The following PCBD2 variants were observed in gnomAD, a reference collection of about 807,000 sequenced individuals.
PCBD2 encodes the protein pterin-4-alpha-carbinolamine dehydratase 2.
Under a neutral mutation model 16.4 loss-of-function variants are expected in PCBD2, and 12 were observed. The ratio of observed to expected loss-of-function variants is 0.73; its 90% CI spans 0.47 to 1.19. PCBD2 has a LOEUF of 1.19. Among genes scored for constraint, PCBD2 ranks in the 50% most tolerant of loss-of-function variants. PCBD2 has a pLI of 0.00. For missense variants in PCBD2, 138 were observed against 156.8 expected (o/e 0.88, Z 0.64); for synonymous variants, 58 against 61.8 (o/e 0.94, Z 0.29).
At chr5:134,932,750 C>T (rs1393636331) in intron 2 of PCBD2, among the ~76,000 whole-genome samples, 2 of 152,162 alleles carry the variant, frequency 1.3e-5, no homozygotes, top group Non-Finnish European at 2.9e-5. Flanking sequence ...TCCCAAAGTG[C>T]TGTGATTACA....
At chr5:134,933,675 G>A (rs1298738750) in intron 2 of PCBD2, among the ~76,000 whole-genome samples, 2 of 152,176 alleles carry the variant, frequency 1.3e-5, no homozygotes, top group East Asian at 1.9e-4. Flanking sequence ...TAAATGCTCC[G>A]TATTAATGCT....
chr5:134,907,305 T>C (rs1750706709), intron 1 of PCBD2, among the ~76,000 whole-genome samples: 1 of 152,104 alleles, frequency 6.6e-6, no homozygotes, highest in African/African-American at 2.4e-5. Context: ...AGTGCAGTGG[T>C]GCGGTCTTGG....
chr5:134,925,862 G>A (rs541511958), intron 2 of PCBD2: 532 of 394,008 alleles, frequency 1.4e-3, no homozygotes, highest in African/African-American at 0.01. Flanking sequence ...AGGGTTATTT[G>A]TTGTGGGTCT....
intron 2 of PCBD2, among the ~76,000 whole-genome samples, chr5:134,941,890 G>C (rs1444620571): frequency 6.6e-6 from 1 of 151,842 alleles, no homozygotes; most frequent in Non-Finnish European, 1.5e-5. Flanking sequence ...AGGCCGGGGC[G>C]GGTGGATCAC....
chr5:134,949,973 A>G (rs958674989), intron 2 of PCBD2, among the ~76,000 whole-genome samples: 1 of 152,252 alleles, frequency 6.6e-6, no homozygotes, highest in Non-Finnish European at 1.5e-5. Flanking sequence ...ACTTTAATTG[A>G]TCACAAGATA....
chr5:134,955,464 T>C (rs1043594165), intron 2 of PCBD2, among the ~76,000 whole-genome samples: 1 of 151,820 alleles, frequency 6.6e-6, no homozygotes, highest in African/African-American at 2.4e-5. Flanking sequence ...CACGCCACCA[T>C]GCCCAGCCAA....
intron 2 of PCBD2, among the ~76,000 whole-genome samples, chr5:134,930,621 A>G (rs1048989330): frequency 6.6e-6 from 1 of 152,188 alleles, no homozygotes; most frequent in East Asian, 1.9e-4. Flanking sequence ...ATGGCTGCTC[A>G]TGGTGTCTCT....
rs1751484964 is a variant in PCBD2, at chr5:134,962,073, TG to T, written c.*1393del. Reference sequence around the variant, plus strand: ...ATTGCCCCCAGCCAGTATAACAGTTTGTGTGTGTGTGTGTGTGTGTGTGTGT... The same window carrying T: ...ATTGCCCCCAGCCAGTATAACAGTTTTGTGTGTGTGTGTGTGTGTGTGTGT... On this transcript the variant is annotated 3_prime_UTR_variant, in exon 4 of 4. Coordinates refer to ENST00000254908, the MANE Select transcript of PCBD2 (RefSeq NM_032151.5). 4.5e-5 allele frequency among the ~76,000 whole-genome samples: 2 copies of T among 44,540 alleles called. No individual in the cohort carries two copies. Among genetic ancestry groups the T allele is most frequent in the African/African-American group, 1.3e-4 (2 of 15,220 alleles). 29.2% of individuals were successfully genotyped at this position (44,540 alleles called of 152,430 possible). A position where few individuals can be genotyped will look rare whatever the true frequency, so the allele number is the denominator to read the frequency against.
At chr5:134,944,941 T>C (rs1751273312) in intron 2 of PCBD2, among the ~76,000 whole-genome samples, 1 of 152,220 alleles carries the variant, frequency 6.6e-6, no homozygotes, top group Non-Finnish European at 1.5e-5. Context: ...CAACAGGACA[T>C]AAATTATGAA....
chr5:134,940,698 T>C (rs550665494), intron 2 of PCBD2, among the ~76,000 whole-genome samples: 5 of 152,328 alleles, frequency 3.3e-5, no homozygotes, highest in Admixed American at 2.6e-4. Flanking sequence ...TGAATGAAGC[T>C]CTTTTTTCCT....
intron 1 of PCBD2, 77 bp downstream of exon 1, chr5:134,905,300 A>T: frequency 8.6e-7 from 1 of 1,169,488 alleles, no homozygotes; most frequent in Non-Finnish European, 1.1e-6. Context: ...CGGCTGAGGG[A>T]CCAGCGGGAC....
intron 2 of PCBD2, among the ~76,000 whole-genome samples, chr5:134,920,467 C>T (rs1402785469): frequency 6.6e-6 from 1 of 152,246 alleles, no homozygotes; most frequent in Non-Finnish European, 1.5e-5. Flanking sequence ...TTTTACCATA[C>T]TTCCCAGAGG....
At chr5:134,917,259 G>A (rs1750844388) in intron 2 of PCBD2, among the ~76,000 whole-genome samples, 1 of 152,218 alleles carries the variant, frequency 6.6e-6, no homozygotes, top group Admixed American at 6.5e-5. Context: ...CCAGCAGGTG[G>A]AGCCCTCCAG....
At chr5:134,932,668 G>T (rs1751112367) in intron 2 of PCBD2, among the ~76,000 whole-genome samples, 1 of 151,654 alleles carries the variant, frequency 6.6e-6, no homozygotes, top group Non-Finnish European at 1.5e-5. Context: ...TTTTTTTGTG[G>T]AGATGGGATC....
chr5:134,955,964 T>C (rs770162592), intron 2 of PCBD2, among the ~76,000 whole-genome samples: 41 of 151,778 alleles, frequency 2.7e-4, no homozygotes, highest in Non-Finnish European at 2.2e-4. Context: ...AGTTTTGCCT[T>C]TTTTCTCTCT....
At chr5:134,959,725 C>T (rs534686876) in intron 3 of PCBD2, among the ~76,000 whole-genome samples, 6 of 152,086 alleles carry the variant, frequency 3.9e-5, no homozygotes, top group South Asian at 2.1e-4. Flanking sequence ...ACAATACTCA[C>T]GTGACTTAAT....
intron 2 of PCBD2, among the ~76,000 whole-genome samples, chr5:134,958,592 A>G (rs189908900): frequency 2.5e-4 from 38 of 152,328 alleles, no homozygotes; most frequent in Admixed American, 2.6e-4. Context: ...CACCCTCAGG[A>G]GACCTTTTTC....
chr5:134,952,734 A>G (rs1398423571), intron 2 of PCBD2, among the ~76,000 whole-genome samples: 1 of 151,932 alleles, frequency 6.6e-6, no homozygotes, highest in Non-Finnish European at 1.5e-5. Flanking sequence ...TGAGCCCAGG[A>G]GTTCAAGGTT....
At chr5:134,946,809 G>C (rs1751300909) in intron 2 of PCBD2, among the ~76,000 whole-genome samples, 1 of 152,184 alleles carries the variant, frequency 6.6e-6, no homozygotes. Context: ...TTTCTGCCCA[G>C]AGCACTTGTT....
Sources: allele counts gnomAD v4.1 joint callset (sites outside exome capture counted in the v4.1 genomes callset), GRCh38; gene constraint gnomAD v4.1.1; transcripts MANE v1.5; gene names NCBI Gene and HGNC (gene_info 2026-07-23, HGNC 2026-07-21).